The following MAP4K5 variants were observed in gnomAD, a reference collection of about 807,000 sequenced individuals.
MAP4K5 encodes MAPK/ERK kinase kinase kinase 5.
Under a neutral mutation model 135.6 loss-of-function variants are expected in MAP4K5, and 82 were observed. The ratio of observed to expected loss-of-function variants is 0.60; its 90% CI spans 0.51 to 0.73. The LOEUF is 0.73. Among genes scored for constraint, MAP4K5 ranks in the 30% least tolerant of loss-of-function variants. MAP4K5 has a pLI of 0.00. For missense variants in MAP4K5, 907 were observed against 1,010.9 expected, an observed-to-expected ratio of 0.90 and a Z score of 1.39; for synonymous variants, 347 against 335.0, an observed-to-expected ratio of 1.04 and a Z score of -0.39.
At chr14:50,438,129 A>C in intron 23 of MAP4K5, 35 bp from the exon 24 acceptor site, 1 of 733,258 alleles carries the variant, frequency 1.4e-6, no homozygotes, top group East Asian at 2.5e-5. Context: ...CAAAAAGCCA[A>C]GCAAAATAGA....
chr14:50,460,308 T>C (rs1218885134), intron 13 of MAP4K5, among the ~76,000 whole-genome samples: 1 of 151,574 alleles, frequency 6.6e-6, no homozygotes, highest in Non-Finnish European at 1.5e-5. Flanking sequence ...GTTAGTCTCA[T>C]ATACCATTGT....
At chr14:50,459,919 T>C (rs116440192) in intron 13 of MAP4K5, among the ~76,000 whole-genome samples, 2,352 of 152,102 alleles carry the variant, frequency 0.015, 50 homozygotes, top group African/African-American at 0.053. Context: ...AGGGTGGTCT[T>C]GAACTCCTGA....
chr14:50,502,359 G>C (rs1339598012), intron 3 of MAP4K5, among the ~76,000 whole-genome samples: 1 of 152,166 alleles, frequency 6.6e-6, no homozygotes, highest in African/African-American at 2.4e-5. Flanking sequence ...AGAAAAATAT[G>C]AATTCTGTAA....
chr14:50,483,014 T>C (rs1277204933), intron 5 of MAP4K5: 2 of 152,300 alleles, frequency 1.3e-5, no homozygotes, highest in South Asian at 2.1e-4. Context: ...CATAGTGGTA[T>C]GCATTATAGG....
chr14:50,492,587 A>G (rs2037507358), intron 3 of MAP4K5, among the ~76,000 whole-genome samples: 1 of 40,576 alleles, frequency 2.5e-5, no homozygotes, highest in Admixed American at 3.1e-4. Flanking sequence ...GCAAGACCCC[A>G]TCTCAAAAAA....
At chr14:50,437,721 T>G (rs936016426) in intron 25 of MAP4K5, among the ~76,000 whole-genome samples, 173 bp downstream of exon 25, 1 of 152,164 alleles carries the variant, frequency 6.6e-6, no homozygotes, top group Non-Finnish European at 1.5e-5. Flanking sequence ...CTTCCACAGT[T>G]GATTCTCATG....
chr14:50,544,044 G>A (rs993400655), intron 1 of MAP4K5, among the ~76,000 whole-genome samples: 3 of 152,208 alleles, frequency 2.0e-5, no homozygotes, highest in Non-Finnish European at 4.4e-5. Flanking sequence ...GGGGAAATTG[G>A]TTATTGCTCC....
At chr14:50,455,903 A>G (rs2036585637) in intron 14 of MAP4K5, among the ~76,000 whole-genome samples, 3 of 152,132 alleles carry the variant, frequency 2.0e-5, no homozygotes, top group Admixed American at 2.0e-4. Flanking sequence ...ACAAATATTG[A>G]TAGAAAATTT....
chr14:50,441,996 T>C (rs1025541460), intron 21 of MAP4K5, among the ~76,000 whole-genome samples: 1 of 152,108 alleles, frequency 6.6e-6, no homozygotes, highest in Non-Finnish European at 1.5e-5. Flanking sequence ...GATTCATGTT[T>C]CAAACAATCA....
At chr14:50,538,328 T>G (rs906854508) in intron 2 of MAP4K5, among the ~76,000 whole-genome samples, 9 of 152,202 alleles carry the variant, frequency 5.9e-5, no homozygotes, top group Admixed American at 1.3e-4. Context: ...CTCTTCCTTT[T>G]GTAAATTGCC....
At chr14:50,528,402 TAA>T (rs5808556) in intron 2 of MAP4K5, among the ~76,000 whole-genome samples, 210 of 107,026 alleles carry the variant, frequency 2.0e-3, no homozygotes, top group African/African-American at 2.1e-3. Context: ...ACCTAAGGTG[TAA>T]AAAAAAAAAA....
chr14:50,548,309 G>A (rs935834764), intron 1 of MAP4K5, among the ~76,000 whole-genome samples: 1 of 152,110 alleles, frequency 6.6e-6, no homozygotes, highest in Non-Finnish European at 1.5e-5. Context: ...TAATGAAGAA[G>A]AGTAAAAAAT....
rs566488645 is a variant in MAP4K5, at chr14:50,461,652, G to A, written c.936+1013C>T. ...AAATACATTACAGGCCAAGCATGGT[G>A]GCTCACGCCTGTAATCCCAACACTT... On this transcript the variant is annotated intron_variant, in intron 13 of 32. Coordinates refer to ENST00000682126, the MANE Select transcript of MAP4K5 (RefSeq NM_006575.6). 3.3e-5 allele frequency among the ~76,000 whole-genome samples: 5 copies of A among 152,218 alleles called. No homozygotes were observed. In the South Asian group the frequency reaches 1.0e-3, roughly 32 times the overall value.
At chr14:50,549,279 T>C (rs2038672989) in intron 1 of MAP4K5, among the ~76,000 whole-genome samples, 1 of 152,074 alleles carries the variant, frequency 6.6e-6, no homozygotes, top group East Asian at 1.9e-4. Flanking sequence ...CATATAACCA[T>C]ATAGGTACAT....
In MAP4K5 at chr14:50,487,845, A is replaced by G. The variant is rs116787622; in HGVS notation, c.167-1651T>C. Among the ~76,000 whole-genome samples, 611 of 152,212 alleles carry G rather than the reference A, an allele frequency of 4.0e-3. 3 individuals are homozygous for G. The highest frequency in any genetic ancestry group is 0.013 in the African/African-American group (540 of 41,522). On this transcript the variant is annotated intron_variant, in intron 3 of 32. Coordinates refer to ENST00000682126, the MANE Select transcript of MAP4K5 (RefSeq NM_006575.6). ...CTTTCTTCTTTTATATCACTCCTCC[A>G]TCTGAGCCTTTTCCATCATAGCATT...
chr14:50,437,654 T>G, intron 25 of MAP4K5, 120 bp from the exon 26 acceptor site: 1 of 691,726 alleles, frequency 1.4e-6, no homozygotes, highest in East Asian at 2.7e-5. Flanking sequence ...GGATCCTAAC[T>G]CCACACTATC....
At chr14:50,441,441 A>G (rs918420556) in intron 21 of MAP4K5, among the ~76,000 whole-genome samples, 3 of 152,144 alleles carry the variant, frequency 2.0e-5, no homozygotes, top group African/African-American at 7.2e-5. Context: ...TCAAAAATGC[A>G]TAACCTGATT....
chr14:50,540,780 A>G (rs960592167), intron 2 of MAP4K5, among the ~76,000 whole-genome samples: 4 of 152,192 alleles, frequency 2.6e-5, no homozygotes. Context: ...GGGAGCTATT[A>G]TGATAGGTAG....
chr14:50,428,856 AT>A, intron 29 of MAP4K5, 102 bp from the exon 30 acceptor site: 1 of 686,468 alleles, frequency 1.5e-6, no homozygotes, highest in Non-Finnish European at 2.5e-6. Context: ...AATATTCTTA[AT>A]AAAGTTCAAC....
Sources: gnomAD v4.1 joint callset for allele counts (sites outside exome capture counted in the v4.1 genomes callset) on GRCh38, gnomAD v4.1.1 for gene constraint, MANE v1.5 for transcripts, NCBI Gene and HGNC (gene_info 2026-07-23, HGNC 2026-07-21) for gene names.